JADE3: variants seen among roughly 807,000 people sequenced by gnomAD.
JADE3 encodes the protein protein Jade-3.
A neutral mutation model predicts 50.1 loss-of-function variants in JADE3; 2 were observed. The observed-to-expected ratio is 0.04, with a 90% CI of 0.02 to 0.13. The LOEUF is 0.13. Among genes scored for constraint, JADE3 ranks in the 10% least tolerant of loss-of-function variants. The pLI is 1.00. For missense variants in JADE3, 475 were observed against 634.4 expected (o/e 0.75, Z 2.70); for synonymous variants, 218 against 232.9 (o/e 0.94, Z 0.58).
intron 1 of JADE3, among the ~76,000 whole-genome samples, chrX:46,939,934 C>T (rs1353677631): frequency 8.9e-6 from 1 of 112,035 alleles, no homozygotes; most frequent in Non-Finnish European, 1.9e-5. Flanking sequence ...ATTTCAGTGT[C>T]CATAAGTCAA....
In JADE3 at chrX:47,058,174, T is replaced by G; in HGVS notation, c.1569T>G (p.Pro523=). ...LLNQEIDAGL[P]LTNALENSLF... ...CTTTCTTTTTTATCTCAGGGCTTCCTTTGACAAATGCACTTGAAAACTCAC... is the reference window on the plus strand; with the variant it reads ...CTTTCTTTTTTATCTCAGGGCTTCCGTTGACAAATGCACTTGAAAACTCAC... Residue 523 remains proline, a synonymous_variant, in exon 11 of 11, where the codon CCT becomes CCG. Coordinates refer to ENST00000614628, the MANE Select transcript of JADE3 (RefSeq NM_014735.5). 8.3e-7 allele frequency: 1 copy of G among 1,201,529 alleles called. No homozygotes were observed. The highest frequency in any genetic ancestry group is 2.3e-5 in the Admixed American group (1 of 43,956).
intron 1 of JADE3, among the ~76,000 whole-genome samples, chrX:46,914,462 T>C (rs1926038948): frequency 8.9e-6 from 1 of 111,813 alleles, no homozygotes. Context: ...TATCATTTTC[T>C]CTTTCGTTTA....
intron 1 of JADE3, among the ~76,000 whole-genome samples, chrX:46,976,163 G>C (rs375029917): frequency 4.7e-4 from 52 of 111,754 alleles, no homozygotes; most frequent in Middle Eastern, 9.2e-3. Flanking sequence ...CCCTTGCACT[G>C]ACCATGCATT....
At chrX:47,012,631 TTTGTTG>T (rs1215088649) in intron 4 of JADE3, among the ~76,000 whole-genome samples, 2 of 110,260 alleles carry the variant, frequency 1.8e-5, no homozygotes, top group Non-Finnish European at 3.8e-5. Flanking sequence ...TGTTTTTTTT[TTTGTTG>T]TTGTTGTTGT....
chrX:46,958,020 A>G (rs1009620177), intron 1 of JADE3, among the ~76,000 whole-genome samples: 1 of 111,876 alleles, frequency 8.9e-6, no homozygotes, highest in Admixed American at 9.5e-5. Flanking sequence ...CCAGGCGGCT[A>G]CACCATCTCT....
At chrX:47,009,050 T>C (rs1928500017) in intron 4 of JADE3, among the ~76,000 whole-genome samples, 1 of 110,538 alleles carries the variant, frequency 9.0e-6, no homozygotes, top group East Asian at 2.8e-4. Context: ...GGGTCGAGTG[T>C]AGTGGCTCAC....
chrX:46,971,376 A>G (rs1411920655), intron 1 of JADE3, among the ~76,000 whole-genome samples: 1 of 108,580 alleles, frequency 9.2e-6, no homozygotes, highest in African/African-American at 3.3e-5. Flanking sequence ...TCGGCCTCCC[A>G]ACGTGCTGGG....
At chrX:47,032,089 C>G (rs782378598) in intron 6 of JADE3, among the ~76,000 whole-genome samples, 1 of 110,880 alleles carries the variant, frequency 9.0e-6, no homozygotes, top group East Asian at 2.9e-4. Context: ...AGGGAAGCTG[C>G]TTAGACACAT....
At chrX:47,056,939 A>G (rs1929643342) in intron 10 of JADE3, among the ~76,000 whole-genome samples, 2 of 112,165 alleles carry the variant, frequency 1.8e-5, no homozygotes, top group African/African-American at 6.5e-5. Flanking sequence ...AGGGTCAGCC[A>G]TGGAGCATGA....
At chrX:47,050,535 T>C (rs1353505741) in intron 8 of JADE3, among the ~76,000 whole-genome samples, 2 of 112,238 alleles carry the variant, frequency 1.8e-5, no homozygotes, top group African/African-American at 6.5e-5. Flanking sequence ...CACCAAAATA[T>C]ATAGATCTCC....
At chrX:46,980,161 C>G (rs1462547688) in intron 1 of JADE3, among the ~76,000 whole-genome samples, 2 of 110,455 alleles carry the variant, frequency 1.8e-5, no homozygotes, top group African/African-American at 3.3e-5. Context: ...ATTACAGGTG[C>G]GAGCCACCAT....
intron 1 of JADE3, among the ~76,000 whole-genome samples, chrX:46,960,033 A>G (rs1927220259): frequency 9.0e-6 from 1 of 111,196 alleles, no homozygotes. Flanking sequence ...AATATCTATC[A>G]TGTTCAAACT....
At position 47,024,813 on chromosome X, in the gene JADE3, A is replaced by T. The variant is rs377097099; in HGVS notation, c.374A>T (p.Tyr125Phe). The change falls in exon 5 of 11, where the codon TAC (tyrosine) becomes TTC (phenylalanine). Residue 125 changes from tyrosine (Y) to phenylalanine (F), a missense_variant. Physicochemically the swap from Tyr to Phe is conservative, Grantham distance 22 (BLOSUM62 3). Transcript: ENST00000614628. ...AGCCCAGACACCACAGAGCCTGGCT[A>T]CATCAACATCATGGAGTTGGCAGCA... ...CSSPDTTEPG[Y>F]INIMELAASV... The T allele has an allele frequency of 3.4e-6, 4 of 1,189,711 alleles. No homozygotes were observed. In the African/African-American group the frequency reaches 7.0e-5, roughly 21 times the overall value.
intron 4 of JADE3, among the ~76,000 whole-genome samples, chrX:47,019,183 C>T (rs782026629): frequency 9.9e-5 from 11 of 111,623 alleles, no homozygotes; most frequent in Non-Finnish European, 1.7e-4. Context: ...ATAGACTTCA[C>T]TACTTGATGA....
At position 47,060,535 on chromosome X, in the gene JADE3, C is replaced by A. The variant is rs1284830402; in HGVS notation, c.*1458C>A. Reference sequence around the variant, plus strand: ...AAAACTCAGCAGTTTTCCTCTCCCCCAGTTGTGTTCTTGTAACGTTGTTAA... The same window carrying A: ...AAAACTCAGCAGTTTTCCTCTCCCCAAGTTGTGTTCTTGTAACGTTGTTAA... On this transcript the variant is annotated 3_prime_UTR_variant, in exon 11 of 11. Transcript: ENST00000614628. 2 of 111,912 alleles carry A rather than the reference C, an allele frequency of 1.8e-5. No individual in the cohort carries two copies. Among genetic ancestry groups the A allele is most frequent in the Non-Finnish European group, 3.8e-5 (2 of 53,175 alleles). 9.2% of individuals were successfully genotyped at this position (111,912 alleles called of 1,213,427 possible). A position where few individuals can be genotyped will look rare whatever the true frequency, so the allele number is the denominator to read the frequency against.
intron 5 of JADE3, among the ~76,000 whole-genome samples, 199 bp from the exon 6 acceptor site, chrX:47,027,693 G>A (rs1454716380): frequency 8.9e-6 from 1 of 112,059 alleles, no homozygotes; most frequent in Non-Finnish European, 1.9e-5. Flanking sequence ...CCTTTCATGT[G>A]TCAAACACTA....
intron 1 of JADE3, among the ~76,000 whole-genome samples, chrX:46,928,922 G>A (rs1300062512): frequency 2.7e-5 from 3 of 111,872 alleles, no homozygotes; most frequent in Non-Finnish European, 3.8e-5. Flanking sequence ...TGCATGTAGC[G>A]TGATCTAATG....
At chrX:46,996,717 T>G (rs1182876183) in intron 3 of JADE3, among the ~76,000 whole-genome samples, 1 of 112,190 alleles carries the variant, frequency 8.9e-6, no homozygotes, top group Non-Finnish European at 1.9e-5. Flanking sequence ...CACCTTTCTC[T>G]TGTAAGGACA....
chrX:46,930,985 A>G (rs1926477403), intron 1 of JADE3, among the ~76,000 whole-genome samples: 1 of 111,836 alleles, frequency 8.9e-6, no homozygotes, highest in Non-Finnish European at 1.9e-5. Context: ...CCTTCTAGTT[A>G]TGAATGAGGA....
Sources: gnomAD v4.1 joint callset for allele counts (sites outside exome capture counted in the v4.1 genomes callset) on GRCh38, gnomAD v4.1.1 for gene constraint, MANE v1.5 for transcripts, NCBI Gene and HGNC (gene_info 2026-07-23, HGNC 2026-07-21) for gene names.